The following ADGRB3 variants were observed in gnomAD, a reference collection of about 807,000 sequenced individuals.
ADGRB3 encodes brain-specific angiogenesis inhibitor 3.
In ADGRB3, 37 loss-of-function variants were observed where a neutral mutation model predicts 193.4. That is an observed-to-expected ratio of 0.19 (90% confidence interval 0.15 to 0.25). The LOEUF (loss-of-function observed/expected upper bound fraction) is 0.25. Among genes scored for constraint, ADGRB3 ranks in the 10% least tolerant of loss-of-function variants. ADGRB3 has a pLI of 1.00. For synonymous variants in ADGRB3, 690 were observed against 644.2 expected (o/e 1.07, Z -1.08); for missense variants, 1,637 against 1,852.9 (o/e 0.88, Z 2.14).
chr6:68,765,648 G>A (rs1766495473), intron 3 of ADGRB3, among the ~76,000 whole-genome samples: 1 of 151,488 alleles, frequency 6.6e-6, no homozygotes, highest in Admixed American at 6.6e-5. Flanking sequence ...CAAGGGTCTT[G>A]TCTTATTATA....
At chr6:68,946,599 C>T (rs928052163) in intron 6 of ADGRB3, among the ~76,000 whole-genome samples, 9 of 152,214 alleles carry the variant, frequency 5.9e-5, no homozygotes, top group Admixed American at 4.6e-4. Context: ...ATGATAGGTA[C>T]ATCAGCAGTG....
chr6:69,102,595 A>T (rs1773096404), intron 17 of ADGRB3, among the ~76,000 whole-genome samples: 1 of 152,236 alleles, frequency 6.6e-6, no homozygotes, highest in South Asian at 2.1e-4. Flanking sequence ...CATTCATGTC[A>T]TTCTGAGTAC....
At chr6:68,718,060 G>C (rs972718622) in intron 3 of ADGRB3, among the ~76,000 whole-genome samples, 1 of 151,702 alleles carries the variant, frequency 6.6e-6, no homozygotes, top group Non-Finnish European at 1.5e-5. Flanking sequence ...AAGGGATAAA[G>C]TTTCAAAATG....
Position 69,090,908 on chromosome 6 carries a change from G to T in ADGRB3, c.2480+14870G>T, listed in dbSNP as rs114242374. Reference sequence around the variant, plus strand: ...TTGCCCATATTCTCACTATTAGAAAGAAGAAACTTTCCTGAAATTTGATTA... The same window carrying T: ...TTGCCCATATTCTCACTATTAGAAATAAGAAACTTTCCTGAAATTTGATTA... On this transcript the variant is annotated intron_variant, in intron 17 of 31. Coordinates refer to ENST00000370598, the MANE Select transcript of ADGRB3 (RefSeq NM_001704.3). 3.6e-3 allele frequency among the ~76,000 whole-genome samples: 541 copies of T among 152,184 alleles called. 3 individuals are homozygous for T. The highest frequency in any genetic ancestry group is 0.012 in the African/African-American group (504 of 41,494).
At chr6:68,736,242 C>T (rs905434883) in intron 3 of ADGRB3, among the ~76,000 whole-genome samples, 1 of 151,998 alleles carries the variant, frequency 6.6e-6, no homozygotes, top group African/African-American at 2.4e-5. Context: ...TAATCTCAAA[C>T]TCCTGGGCTC....
chr6:69,282,576 T>G (rs570245911), intron 20 of ADGRB3, among the ~76,000 whole-genome samples: 119 of 152,190 alleles, frequency 7.8e-4, no homozygotes, highest in Admixed American at 2.0e-3. Context: ...TTATAAGGAG[T>G]TTGTTGTTTC....
At chr6:69,014,211 G>A (rs1770024328) in intron 12 of ADGRB3, 105 bp downstream of exon 12, 1 of 799,968 alleles carries the variant, frequency 1.3e-6, no homozygotes, top group African/African-American at 1.8e-5. Flanking sequence ...ATATTTTTAA[G>A]TCAGTCTAGG....
intron 17 of ADGRB3, among the ~76,000 whole-genome samples, chr6:69,167,173 C>G (rs988876967): frequency 6.6e-6 from 1 of 152,046 alleles, no homozygotes; most frequent in African/African-American, 2.4e-5. Context: ...GTATGCTTCT[C>G]TATCTGTTTG....
At chr6:68,782,787 G>C (rs1766882134) in intron 3 of ADGRB3, among the ~76,000 whole-genome samples, 1 of 152,010 alleles carries the variant, frequency 6.6e-6, no homozygotes, top group African/African-American at 2.4e-5. Context: ...AGAAGTGTCT[G>C]TTCATATCCT....
At chr6:69,216,954 C>A (rs1374549053) in intron 17 of ADGRB3, among the ~76,000 whole-genome samples, 1 of 152,196 alleles carries the variant, frequency 6.6e-6, no homozygotes, top group Admixed American at 6.5e-5. Flanking sequence ...GCTGTCCTAC[C>A]TGTAACCTGT....
At chr6:69,186,395 T>C (rs1291375211) in intron 17 of ADGRB3, among the ~76,000 whole-genome samples, 3 of 152,020 alleles carry the variant, frequency 2.0e-5, no homozygotes, top group Admixed American at 6.6e-5. Flanking sequence ...AATATATAAT[T>C]CATTGCAAAG....
chr6:69,101,153 T>C (rs1282798956), intron 17 of ADGRB3, among the ~76,000 whole-genome samples: 1 of 151,990 alleles, frequency 6.6e-6, no homozygotes. Context: ...CTGTGATGTC[T>C]AACAACCCCT....
intron 15 of ADGRB3, among the ~76,000 whole-genome samples, chr6:69,055,902 C>A (rs557018003): frequency 1.3e-5 from 2 of 152,170 alleles, no homozygotes; most frequent in Admixed American, 6.5e-5. Flanking sequence ...CAGATCTCAG[C>A]TCACTGCAAC....
intron 3 of ADGRB3, among the ~76,000 whole-genome samples, chr6:68,875,111 T>TCCC (rs1765556233): frequency 4.4e-5 from 5 of 114,922 alleles, no homozygotes; most frequent in African/African-American, 1.5e-4. Context: ...CCTTCCTTCC[T>TCCC]TCCTTTCTTT....
Position 68,802,092 on chromosome 6 carries a change from A to G in ADGRB3, c.758-128467A>G, listed in dbSNP as rs539062093. ...TCAATGGATACACCCAAGGGCACAG[A>G]GCTCAATTTTGTAGAACTCAGACAT... is the stretch of plus-strand genomic sequence containing the variant. On this transcript the variant is annotated intron_variant, in intron 3 of 31. Coordinates refer to ENST00000370598, the MANE Select transcript of ADGRB3 (RefSeq NM_001704.3). 2.8e-5 allele frequency among the ~76,000 whole-genome samples: 4 copies of G among 145,092 alleles called. No homozygotes were observed. The Admixed American group carries it at 2.9e-4, about 10-fold the overall frequency.
chr6:68,803,075 A>C (rs555669022), intron 3 of ADGRB3, among the ~76,000 whole-genome samples: 2 of 152,024 alleles, frequency 1.3e-5, no homozygotes, highest in East Asian at 3.9e-4. Flanking sequence ...AACTACCTCA[A>C]ATTTCTATTG....
intron 3 of ADGRB3, among the ~76,000 whole-genome samples, chr6:68,730,653 G>A (rs1276302236): frequency 6.6e-6 from 1 of 151,534 alleles, no homozygotes; most frequent in Admixed American, 6.6e-5. Flanking sequence ...CATTCTTCTT[G>A]CAGTTACAGC....
intron 3 of ADGRB3, among the ~76,000 whole-genome samples, chr6:68,902,268 A>G (rs1339214611): frequency 6.6e-6 from 1 of 152,148 alleles, no homozygotes; most frequent in Non-Finnish European, 1.5e-5. Flanking sequence ...TCACACTAAA[A>G]GTTGTACTAA....
intron 17 of ADGRB3, among the ~76,000 whole-genome samples, chr6:69,100,947 A>AGG (rs138343850): frequency 1.5e-3 from 1 of 682 alleles, no homozygotes; most frequent in African/African-American, 5.3e-3. Context: ...GGAAGGAAGG[A>AGG]AAGGAGGGAG....
Sources: gnomAD v4.1 joint callset for allele counts (sites outside exome capture counted in the v4.1 genomes callset) on GRCh38, gnomAD v4.1.1 for gene constraint, MANE v1.5 for transcripts, NCBI Gene and HGNC (gene_info 2026-07-23, HGNC 2026-07-21) for gene names.